ABCC4: variants seen among roughly 807,000 people sequenced by gnomAD.
ABCC4 encodes ATP binding cassette subfamily C member 4 (PEL blood group).
A neutral mutation model predicts 168.5 loss-of-function variants in ABCC4; 102 were observed. The observed-to-expected ratio is 0.61, with a 90% CI of 0.52 to 0.71. The LOEUF (loss-of-function observed/expected upper bound fraction) is 0.71, where lower values mean the gene tolerates loss of function less well. Among genes scored for constraint, ABCC4 ranks in the 30% least tolerant of loss-of-function variants. The pLI is 0.00. For missense variants in ABCC4, 1,402 were observed against 1,605.8 expected (o/e 0.87, Z 2.17); for synonymous variants, 617 against 590.7 (o/e 1.04, Z -0.65).
rs141043635 is a variant in ABCC4, at chr13:95,080,800, G to T, written c.2686+2340C>A. Among the ~76,000 whole-genome samples, 80 of 152,208 alleles carry T rather than the reference G, an allele frequency of 5.3e-4. No individual in the cohort carries two copies. The Middle Eastern group carries it at 0.024, about 45-fold the overall frequency. On this transcript the variant is annotated intron_variant, in intron 21 of 30. Coordinates refer to ENST00000645237, the MANE Select transcript of ABCC4 (RefSeq NM_005845.5). ...GATTTGTTATTAAGATTCATTAAAT[G>T]CCGGCTATGACTCCAGGGGCAGTGA... is the stretch of plus-strand genomic sequence containing the variant.
chr13:95,117,669 T>C (rs754510875), intron 19 of ABCC4, among the ~76,000 whole-genome samples: 4 of 151,830 alleles, frequency 2.6e-5, no homozygotes, highest in Non-Finnish European at 2.9e-5. Flanking sequence ...ATTTAAGACA[T>C]AATTATTAAA....
At chr13:95,048,565 G>A (rs779613784) in intron 27 of ABCC4, among the ~76,000 whole-genome samples, 7 of 152,172 alleles carry the variant, frequency 4.6e-5, no homozygotes, top group Non-Finnish European at 5.9e-5. Context: ...CGAAGCGAGC[G>A]GAAGCCCATT....
chr13:95,083,898 A>C (rs879560611), intron 20 of ABCC4, among the ~76,000 whole-genome samples: 7 of 152,092 alleles, frequency 4.6e-5, no homozygotes, highest in Admixed American at 1.3e-4. Flanking sequence ...TGGATGAGAA[A>C]ACTGAGATTT....
chr13:95,028,027 G>A (rs1352707627), intron 30 of ABCC4, among the ~76,000 whole-genome samples: 1 of 152,086 alleles, frequency 6.6e-6, no homozygotes, highest in Non-Finnish European at 1.5e-5. Context: ...TTTTGAACCA[G>A]TGTGGATTTA....
At chr13:95,199,320 A>G (rs1022931862) in intron 8 of ABCC4, among the ~76,000 whole-genome samples, 8 of 152,186 alleles carry the variant, frequency 5.3e-5, no homozygotes, top group African/African-American at 1.9e-4. Flanking sequence ...CACATCCACG[A>G]GAGGCAAGGA....
rs775989271 is a variant in ABCC4 at position 95,186,890 on chromosome 13, T to C, written c.1356A>G (p.Ser452=). 1.1e-5 allele frequency: 17 copies of C among 1,604,288 alleles called. No homozygotes were observed. The highest frequency in any genetic ancestry group is 1.4e-5 in the Non-Finnish European group (17 of 1,175,314). ...AVVGPVGAGK[S]SLLSAVLGEL... Reference sequence around the variant, plus strand: ...CCCCGAGCACGGCACTTAACAGTGATGACTGAAACAGATTGTAAAAAAGCA... The same window carrying C: ...CCCCGAGCACGGCACTTAACAGTGACGACTGAAACAGATTGTAAAAAAGCA... Residue 452 remains serine (S), a splice_region_variant and synonymous_variant, in exon 11 of 31, where the codon TCA becomes TCG. Transcript: ENST00000645237.
At chr13:95,049,101 A>G (rs960025257) in intron 27 of ABCC4, among the ~76,000 whole-genome samples, 1 of 152,168 alleles carries the variant, frequency 6.6e-6, no homozygotes, top group African/African-American at 2.4e-5. Flanking sequence ...TGGGAGGCCG[A>G]GACAGGCAGA....
intron 20 of ABCC4, among the ~76,000 whole-genome samples, chr13:95,111,751 G>A (rs1478616582): frequency 6.6e-6 from 1 of 152,174 alleles, no homozygotes; most frequent in Non-Finnish European, 1.5e-5. Context: ...TAGGTTAATT[G>A]CCTCTATCTG....
chr13:95,218,964 A>G (rs2039219365), intron 4 of ABCC4, among the ~76,000 whole-genome samples: 1 of 40,432 alleles, frequency 2.5e-5, no homozygotes, highest in African/African-American at 1.3e-4. Context: ...AAAGAAAGAA[A>G]GAAAGAAAGA....
intron 4 of ABCC4, among the ~76,000 whole-genome samples, chr13:95,225,968 T>TAAAAAAAAA (rs11414379): frequency 2.5e-5 from 3 of 117,790 alleles, no homozygotes; most frequent in Admixed American, 9.3e-5. Context: ...CATCTCCACT[T>TAAAAAAAAA]AAAAAAAAAA....
intron 1 of ABCC4, among the ~76,000 whole-genome samples, chr13:95,257,662 CAA>C (rs55944120): frequency 1.3e-4 from 19 of 144,996 alleles, no homozygotes; most frequent in East Asian, 6.0e-4. Flanking sequence ...GACTTCATCT[CAA>C]AAAAAAAAAG....
chr13:95,106,936 G>T (rs1023670415), intron 20 of ABCC4, among the ~76,000 whole-genome samples: 2 of 152,096 alleles, frequency 1.3e-5, no homozygotes, highest in Admixed American at 6.6e-5. Context: ...GGCTGTGGGG[G>T]AGTTCAGATC....
intron 13 of ABCC4, among the ~76,000 whole-genome samples, chr13:95,175,489 T>C (rs2037645388): frequency 6.6e-6 from 1 of 152,088 alleles, no homozygotes; most frequent in Admixed American, 6.5e-5. Flanking sequence ...ATTTTTGTAT[T>C]TTTAGTAGAG....
At chr13:95,065,036 A>C (rs2033479023) in intron 25 of ABCC4, among the ~76,000 whole-genome samples, 1 of 152,086 alleles carries the variant, frequency 6.6e-6, no homozygotes, top group Admixed American at 6.5e-5. Flanking sequence ...TTGTACTTGG[A>C]TCTCTCTTCA....
At chr13:95,042,685 A>C (rs973401848) in intron 29 of ABCC4, among the ~76,000 whole-genome samples, 4 of 152,228 alleles carry the variant, frequency 2.6e-5, no homozygotes, top group African/African-American at 9.6e-5. Context: ...TGGATCAAGA[A>C]GATGCTTGTG....
chr13:95,234,866 G>C lies in ABCC4; in HGVS notation c.307-32C>G, dbSNP rs1405208839. On this transcript the variant is annotated intron_variant, in intron 3 of 30. Coordinates refer to ENST00000645237, the MANE Select transcript of ABCC4 (RefSeq NM_005845.5). ...GAAGAAAAAGAAAAGCCTTTAATTA[G>C]ACATACAGACCACACCATTTTTTCT... The C allele has an allele frequency of 3.6e-6, 5 of 1,399,808 alleles. No individual in the cohort carries two copies. In the East Asian group the frequency reaches 7.5e-5, roughly 21 times the overall value. 86.7% of individuals were successfully genotyped at this position (1,399,808 alleles called of 1,614,324 possible). A position where few individuals can be genotyped will look rare whatever the true frequency, so the allele number is the denominator to read the frequency against.
intron 1 of ABCC4, among the ~76,000 whole-genome samples, chr13:95,260,869 T>G (rs4148431): frequency 6.6e-6 from 1 of 151,378 alleles, no homozygotes; most frequent in African/African-American, 2.4e-5. Flanking sequence ...TACAGTGACT[T>G]GCATCCTTTT....
At chr13:95,151,605 AAGG>A (rs781013759) in intron 19 of ABCC4, among the ~76,000 whole-genome samples, 1 of 79,464 alleles carries the variant, frequency 1.3e-5, no homozygotes, top group African/African-American at 7.2e-5. Context: ...GGAGGAGGAG[AAGG>A]AGAAGGAGAA....
intron 8 of ABCC4, among the ~76,000 whole-genome samples, chr13:95,196,484 T>C (rs1352249218): frequency 6.6e-6 from 1 of 151,646 alleles, no homozygotes; most frequent in East Asian, 1.9e-4. Context: ...TTGAGAGGTA[T>C]TTAGGCCATG....
Sources: allele counts gnomAD v4.1 joint callset (sites outside exome capture counted in the v4.1 genomes callset), GRCh38; gene constraint gnomAD v4.1.1; transcripts MANE v1.5; gene names NCBI Gene and HGNC (gene_info 2026-07-23, HGNC 2026-07-21).